Variants in SV2C observed in about 807,000 individuals in gnomAD.
The protein encoded by SV2C is solute carrier family 22 member B3.
SV2C carries 49 observed loss-of-function variants against 79.7 expected under a neutral mutation model. The observed-to-expected ratio is 0.61, with a 90% CI of 0.49 to 0.78. The LOEUF is 0.78. SV2C is among the 30% of genes least tolerant of loss of function. The pLI is 0.00. For synonymous variants in SV2C, 334 were observed against 333.2 expected, an observed-to-expected ratio of 1.00 and a Z score of -0.03; for missense variants, 833 against 912.9, an observed-to-expected ratio of 0.91 and a Z score of 1.13.
the SV2C span, among the ~76,000 whole-genome samples, chr5:76,055,468 A>G: frequency 1.3e-5 from 2 of 151,944 alleles, no homozygotes; most frequent in Admixed American, 1.3e-4. Context: ...TTAGGATTGT[A>G]TTGGCTATAC....
At chr5:76,171,802 G>T (rs1743280367) in intron 2 of SV2C, among the ~76,000 whole-genome samples, 4 of 123,446 alleles carry the variant, frequency 3.2e-5, no homozygotes, top group Non-Finnish European at 7.3e-5. Flanking sequence ...CGTCCGGGAG[G>T]TGAGGGGCGC....
chr5:76,025,663 T>G, the SV2C span, among the ~76,000 whole-genome samples: 1 of 152,294 alleles, frequency 6.6e-6, no homozygotes, highest in East Asian at 1.9e-4. Flanking sequence ...TGCAGCACTG[T>G]TTAATACATG....
the SV2C span, among the ~76,000 whole-genome samples, chr5:75,908,481 T>A: frequency 1.3e-5 from 2 of 152,222 alleles, no homozygotes; most frequent in Non-Finnish European, 2.9e-5. Context: ...ACATTTGGAT[T>A]GTTTCCAGCA....
intron 3 of SV2C, among the ~76,000 whole-genome samples, chr5:76,198,650 T>A (rs1195140305): frequency 3.3e-5 from 5 of 152,256 alleles, no homozygotes; most frequent in African/African-American, 1.2e-4. Context: ...TGCAATATTT[T>A]TCTTCTTCAC....
At chr5:76,095,677 T>A (rs1747531367) in intron 1 of SV2C, among the ~76,000 whole-genome samples, 1 of 152,132 alleles carries the variant, frequency 6.6e-6, no homozygotes, top group Non-Finnish European at 1.5e-5. Flanking sequence ...GAAGATTAGT[T>A]GCCTGTGGTT....
intron 4 of SV2C, among the ~76,000 whole-genome samples, chr5:76,273,875 G>T (rs1746946711): frequency 6.6e-6 from 1 of 152,188 alleles, no homozygotes; most frequent in African/African-American, 2.4e-5. Flanking sequence ...ATCTCTGTTG[G>T]CAATAGCGTT....
the SV2C span, among the ~76,000 whole-genome samples, chr5:75,916,994 G>A: frequency 6.7e-4 from 102 of 152,274 alleles, 2 homozygotes; most frequent in South Asian, 8.5e-3. Flanking sequence ...ATTCTCCACC[G>A]TCTCCAAATG....
chr5:75,937,657 T>A, the SV2C span, among the ~76,000 whole-genome samples: 2 of 152,076 alleles, frequency 1.3e-5, no homozygotes, highest in East Asian at 3.9e-4. Context: ...TGTAGCGAGC[T>A]GTGATAACGT....
chr5:76,031,005 C>T, the SV2C span, among the ~76,000 whole-genome samples: 65 of 152,188 alleles, frequency 4.3e-4, no homozygotes, highest in Non-Finnish European at 5.0e-4. Context: ...CAATGGATTA[C>T]CAAGCAATAT....
At chr5:76,254,355 C>A (rs137905346) in intron 4 of SV2C, among the ~76,000 whole-genome samples, 7 of 151,908 alleles carry the variant, frequency 4.6e-5, no homozygotes, top group African/African-American at 1.7e-4. Context: ...TATTTGCATC[C>A]CTACTTTTCC....
the SV2C span, among the ~76,000 whole-genome samples, chr5:75,901,681 G>A: frequency 1.3e-5 from 2 of 152,338 alleles, no homozygotes; most frequent in South Asian, 4.1e-4. Flanking sequence ...TCTGTGCCCT[G>A]CCCCCAGAGG....
At chr5:76,054,184 C>T in the SV2C span, among the ~76,000 whole-genome samples, 1 of 152,134 alleles carries the variant, frequency 6.6e-6, no homozygotes, top group Non-Finnish European at 1.5e-5. Flanking sequence ...TGATGTTCCC[C>T]TGCCTGTATC....
At chr5:75,865,936 A>G in the SV2C span, among the ~76,000 whole-genome samples, 1 of 152,158 alleles carries the variant, frequency 6.6e-6, no homozygotes, top group African/African-American at 2.4e-5. Context: ...GAGCCTGCAC[A>G]TGTGCCCTGC....
chr5:76,025,178 T>G, the SV2C span, among the ~76,000 whole-genome samples: 3 of 147,904 alleles, frequency 2.0e-5, no homozygotes, highest in East Asian at 1.9e-4. Flanking sequence ...AGCACGTTTT[T>G]TTTTTTTTTT....
intron 2 of SV2C, among the ~76,000 whole-genome samples, chr5:76,181,491 A>G (rs1743730181): frequency 6.6e-6 from 1 of 152,242 alleles, no homozygotes; most frequent in South Asian, 2.1e-4. Context: ...TAACTGACTC[A>G]TAGTTTCACA....
chr5:76,048,230 T>A, the SV2C span, among the ~76,000 whole-genome samples: 3 of 152,188 alleles, frequency 2.0e-5, no homozygotes, highest in African/African-American at 7.2e-5. Flanking sequence ...ATCTGCAAAC[T>A]GGAGAATCAG....
At chr5:76,152,679 C>A (rs1426679207) in intron 2 of SV2C, among the ~76,000 whole-genome samples, 1 of 152,150 alleles carries the variant, frequency 6.6e-6, no homozygotes, top group East Asian at 1.9e-4. Flanking sequence ...TCACTCCTTC[C>A]TTTGATTTGA....
At chr5:75,861,539 A>C in the SV2C span, among the ~76,000 whole-genome samples, 22 of 152,250 alleles carry the variant, frequency 1.4e-4, no homozygotes, top group Non-Finnish European at 2.9e-4. Context: ...TCAGCACAGC[A>C]CTATCCACAA....
chr5:76,174,259 C>T (rs893295937), intron 2 of SV2C: 18 of 1,488,588 alleles, frequency 1.2e-5, no homozygotes, highest in African/African-American at 8.3e-5. Flanking sequence ...AGCGTCGCCC[C>T]GTGCTCCCCG....
Sources: allele counts gnomAD v4.1 joint callset (sites outside exome capture counted in the v4.1 genomes callset), GRCh38; gene constraint gnomAD v4.1.1; transcripts MANE v1.5; gene names NCBI Gene and HGNC (gene_info 2026-07-23, HGNC 2026-07-21).